Variants in SRPK2 observed in about 807,000 individuals in gnomAD.
The protein encoded by SRPK2 is SFRS protein kinase 2.
Under a neutral mutation model 90.8 loss-of-function variants are expected in SRPK2, and 21 were observed. That is an observed-to-expected ratio of 0.23 (90% CI 0.16 to 0.33). The LOEUF (loss-of-function observed/expected upper bound fraction) is 0.33. Ranked by LOEUF, SRPK2 falls within the 10% of genes least tolerant of loss-of-function variation. The probability of loss-of-function intolerance (pLI) is 1.00; values close to 1 mark genes in which losing one functional copy is unlikely to be tolerated. For synonymous variants in SRPK2, 288 were observed against 311.1 expected, an observed-to-expected ratio of 0.93 and a Z score of 0.78; for missense variants, 620 against 869.0, an observed-to-expected ratio of 0.71 and a Z score of 3.60.
chr7:105,355,314 G>A (rs970866040), intron 2 of SRPK2, among the ~76,000 whole-genome samples: 8 of 151,692 alleles, frequency 5.3e-5, no homozygotes, highest in African/African-American at 1.7e-4. Context: ...TGCGCAACAC[G>A]GCAAGACCTC....
intron 2 of SRPK2, among the ~76,000 whole-genome samples, chr7:105,361,462 T>C (rs1818414716): frequency 6.6e-6 from 1 of 152,124 alleles, no homozygotes; most frequent in Non-Finnish European, 1.5e-5. Context: ...TTCACAGAAT[T>C]GGAAAAAACT....
chr7:105,198,806 T>C (rs1259064909), intron 3 of SRPK2, among the ~76,000 whole-genome samples: 1 of 152,200 alleles, frequency 6.6e-6, no homozygotes, highest in Non-Finnish European at 1.5e-5. Flanking sequence ...TAAATTATCA[T>C]ATCATAGATG....
intron 2 of SRPK2, among the ~76,000 whole-genome samples, chr7:105,258,368 G>T (rs1803658247): frequency 1.4e-5 from 2 of 138,558 alleles, no homozygotes; most frequent in Non-Finnish European, 3.0e-5. Context: ...AGTGAGCCGA[G>T]ATCATGCCAT....
chr7:105,291,572 C>T (rs1461095664), intron 2 of SRPK2, among the ~76,000 whole-genome samples: 2 of 151,656 alleles, frequency 1.3e-5, no homozygotes, highest in East Asian at 3.9e-4. Context: ...CTACTAAAAA[C>T]ACAAAAAATT....
At chr7:105,134,042 A>C (rs1270312296) in intron 11 of SRPK2, among the ~76,000 whole-genome samples, 1 of 152,198 alleles carries the variant, frequency 6.6e-6, no homozygotes, top group Non-Finnish European at 1.5e-5. Flanking sequence ...CTGACCTACA[A>C]GATCAGATTT....
chr7:105,228,022 T>C (rs966572404), intron 2 of SRPK2, among the ~76,000 whole-genome samples: 4 of 152,008 alleles, frequency 2.6e-5, no homozygotes, highest in East Asian at 1.9e-4. Flanking sequence ...ATAACAAATA[T>C]AAATGGTGAA....
At chr7:105,324,130 G>A (rs1457876600) in intron 2 of SRPK2, among the ~76,000 whole-genome samples, 2 of 150,972 alleles carry the variant, frequency 1.3e-5, no homozygotes, top group African/African-American at 4.9e-5. Flanking sequence ...CCAAGTAGCT[G>A]GGATTACAGG....
intron 2 of SRPK2, among the ~76,000 whole-genome samples, chr7:105,211,489 G>A (rs1470985270): frequency 6.6e-6 from 1 of 152,170 alleles, no homozygotes; most frequent in East Asian, 1.9e-4. Context: ...AAGGCCTCAG[G>A]AAACTTACAA....
At chr7:105,139,598 A>T (rs1803398718) in intron 11 of SRPK2, among the ~76,000 whole-genome samples, 1 of 152,216 alleles carries the variant, frequency 6.6e-6, no homozygotes, top group South Asian at 2.1e-4. Flanking sequence ...GATAAGTCTT[A>T]TGACTTGCCT....
intron 2 of SRPK2, among the ~76,000 whole-genome samples, chr7:105,245,271 G>A (rs958834988): frequency 6.6e-6 from 1 of 152,150 alleles, no homozygotes; most frequent in Admixed American, 6.5e-5. Flanking sequence ...TGCTCTAGGA[G>A]GCAGCAGGAC....
At chr7:105,151,893 G>C (rs1411505281) in intron 7 of SRPK2, among the ~76,000 whole-genome samples, 1 of 151,852 alleles carries the variant, frequency 6.6e-6, no homozygotes, top group Non-Finnish European at 1.5e-5. Flanking sequence ...GCATGGTGGT[G>C]CATGCCTGTA....
At chr7:105,330,281 G>T (rs1393895710) in intron 2 of SRPK2, among the ~76,000 whole-genome samples, 3 of 151,918 alleles carry the variant, frequency 2.0e-5, no homozygotes, top group Non-Finnish European at 4.4e-5. Context: ...AGCTTGCAGT[G>T]AGCCGAGATC....
intron 2 of SRPK2, among the ~76,000 whole-genome samples, chr7:105,307,840 G>A (rs1811307816): frequency 6.6e-6 from 1 of 152,168 alleles, no homozygotes; most frequent in Non-Finnish European, 1.5e-5. Flanking sequence ...TAACAGTGAA[G>A]TGGGATATAC....
rs75834379 is a variant in SRPK2, at chr7:105,210,511, C to T, written c.72-6726G>A. Among the ~76,000 whole-genome samples the T allele has an allele frequency of 2.4e-4, 37 of 152,238 alleles. No individual in the cohort carries two copies. The East Asian group carries it at 6.2e-3, about 25-fold the overall frequency. On this transcript the variant is annotated intron_variant, in intron 2 of 15. Coordinates refer to ENST00000393651, the MANE Select transcript of SRPK2 (RefSeq NM_182692.3). ...AAATACTTGGGACCAGATAATGTTT[C>T]GAACTTCAGATAATTTCATGTATTC...
In SRPK2 at chr7:105,117,325, A is replaced by G. The variant is rs1192149237; in HGVS notation, c.*513T>C. 6.5e-6 allele frequency: 1 copy of G among 153,596 alleles called. No individual in the cohort carries two copies. The highest frequency in any genetic ancestry group is 6.5e-5 in the Admixed American group (1 of 15,288). The allele number at this position is 153,596 out of a possible 1,614,324, so 9.5% of individuals were successfully genotyped here. Reference sequence around the variant, plus strand: ...TTTCTGAAATTTGAGTCCCCCTCCCATATTTAATGGAAAGTAACATTTACA... The same window carrying G: ...TTTCTGAAATTTGAGTCCCCCTCCCGTATTTAATGGAAAGTAACATTTACA... On this transcript the variant is annotated 3_prime_UTR_variant, in exon 16 of 16. Transcript: ENST00000393651.
chr7:105,201,884 A>G (rs1363420213), intron 3 of SRPK2, among the ~76,000 whole-genome samples: 2 of 152,218 alleles, frequency 1.3e-5, no homozygotes, highest in Admixed American at 1.3e-4. Flanking sequence ...ACTGTCTCAG[A>G]AAAAGAAAAA....
chr7:105,311,338 T>G (rs1811688501), intron 2 of SRPK2, among the ~76,000 whole-genome samples: 1 of 152,148 alleles, frequency 6.6e-6, no homozygotes, highest in African/African-American at 2.4e-5. Context: ...GTTTAAGCAA[T>G]TCTCCTGCCT....
chr7:105,342,301 G>T (rs1160901352), intron 2 of SRPK2, among the ~76,000 whole-genome samples: 1 of 151,326 alleles, frequency 6.6e-6, no homozygotes, highest in Non-Finnish European at 1.5e-5. Context: ...TCCAGCCTGG[G>T]CGACAAGAGC....
intron 2 of SRPK2, among the ~76,000 whole-genome samples, chr7:105,345,753 G>A (rs1204780366): frequency 6.6e-6 from 1 of 152,146 alleles, no homozygotes; most frequent in Non-Finnish European, 1.5e-5. Flanking sequence ...TGAGCTCTTG[G>A]GCCTATGTTG....
Sources: gnomAD v4.1 joint callset for allele counts (sites outside exome capture counted in the v4.1 genomes callset) on GRCh38, gnomAD v4.1.1 for gene constraint, MANE v1.5 for transcripts, NCBI Gene and HGNC (gene_info 2026-07-23, HGNC 2026-07-21) for gene names.